Variants in DNM2 observed in about 807,000 individuals in gnomAD.
The protein encoded by DNM2 is dynamin-2.
In DNM2, 15 loss-of-function variants were observed where a neutral mutation model predicts 99.0. The ratio of observed to expected loss-of-function variants is 0.15; its 90% CI spans 0.10 to 0.23. The LOEUF (loss-of-function observed/expected upper bound fraction) is 0.23. Ranked by LOEUF, DNM2 falls within the 10% of genes least tolerant of loss-of-function variation. The probability of loss-of-function intolerance (pLI) is 1.00; values close to 1 mark genes in which losing one functional copy is unlikely to be tolerated. For missense variants in DNM2, 742 were observed against 1,189.4 expected, an observed-to-expected ratio of 0.62 and a Z score of 5.53; for synonymous variants, 525 against 481.2, an observed-to-expected ratio of 1.09 and a Z score of -1.19.
intron 11 of DNM2, among the ~76,000 whole-genome samples, chr19:10,801,765 C>T (rs922896614): frequency 2.0e-5 from 3 of 150,808 alleles, no homozygotes; most frequent in African/African-American, 4.9e-5. Flanking sequence ...ATTAGCTGGG[C>T]GTGGTGGCAG....
chr19:10,808,221 T>C (rs1218074198), intron 13 of DNM2, among the ~76,000 whole-genome samples: 2 of 152,024 alleles, frequency 1.3e-5, no homozygotes, highest in African/African-American at 2.4e-5. Flanking sequence ...CTTCTCCCCA[T>C]TGGGCAGGGG....
In DNM2 at chr19:10,819,430, C is replaced by T. The variant is rs7258559; in HGVS notation, c.1672-550C>T. Among the ~76,000 whole-genome samples, 1,293 of 152,198 alleles carry T rather than the reference C, an allele frequency of 8.5e-3. 22 individuals are homozygous for T. The highest frequency in any genetic ancestry group is 0.03 in the African/African-American group (1,238 of 41,506). Reference sequence around the variant, plus strand: ...CACAGAGGTAACTCACTCCTAGGCTCGTTTCAAAGATGGAGCCCAGATAAA... The same window carrying T: ...CACAGAGGTAACTCACTCCTAGGCTTGTTTCAAAGATGGAGCCCAGATAAA... On this transcript the variant is annotated intron_variant, in intron 15 of 20. Coordinates refer to ENST00000389253, the MANE Select transcript of DNM2 (RefSeq NM_001005361.3).
At position 10,774,325 on chromosome 19, in the gene DNM2, T is replaced by A. The variant is rs373814664; in HGVS notation, c.386-1378T>A. Among the ~76,000 whole-genome samples the A allele has an allele frequency of 3.0e-4, 46 of 152,310 alleles. No individual in the cohort carries two copies. In the East Asian group the frequency reaches 5.2e-3, roughly 17 times the overall value. On this transcript the variant is annotated intron_variant, in intron 3 of 20. Transcript: ENST00000389253. ...GCAAGACCCTCTATCTTAAAAAAAA[T>A]GTGTAAGCAAAAAACATGTAAGCAA...
At chr19:10,776,674 G>A (rs2071166062) in intron 4 of DNM2, among the ~76,000 whole-genome samples, 1 of 152,226 alleles carries the variant, frequency 6.6e-6, no homozygotes, top group African/African-American at 2.4e-5. Context: ...GGATGGGATG[G>A]TTTCCAGAGT....
rs2073337628 is a variant in DNM2 at position 10,831,122 on chromosome 19, C to T, written c.*75C>T. 2.0e-5 allele frequency: 30 copies of T among 1,509,456 alleles called. No individual in the cohort carries two copies. Among genetic ancestry groups the T allele is most frequent in the Admixed American group, 8.7e-5 (4 of 46,188 alleles). The allele number at this position is 1,509,456 out of a possible 1,614,324, so 93.5% of individuals were successfully genotyped here. A position where few individuals can be genotyped will look rare whatever the true frequency, so the allele number is the denominator to read the frequency against. ...GGAGCTTCAGTGGTCTGGGGCCCTC[C>T]GCCGCCCCTATGCTGGGACCAGGCT... is the stretch of plus-strand genomic sequence containing the variant. On this transcript the variant is annotated 3_prime_UTR_variant, in exon 21 of 21. Coordinates refer to ENST00000389253, the MANE Select transcript of DNM2 (RefSeq NM_001005361.3). This position sits in a 1 kb window ranked among gnomAD's most constrained non-coding sequence, Gnocchi z 4.3.
At chr19:10,758,339 C>T (rs867158766) in intron 1 of DNM2, among the ~76,000 whole-genome samples, 62 of 11,784 alleles carry the variant, frequency 5.3e-3, no homozygotes, top group Non-Finnish European at 0.011. Flanking sequence ...CCTTCCTTCC[C>T]TCCTTCCTTC....
At chr19:10,745,142 G>GA (rs1294768499) in intron 1 of DNM2, among the ~76,000 whole-genome samples, 1 of 151,894 alleles carries the variant, frequency 6.6e-6, no homozygotes, top group Admixed American at 6.6e-5. Context: ...GGGATGTGCG[G>GA]AAAAAAAACC....
chr19:10,751,521 C>T (rs569956556), intron 1 of DNM2, among the ~76,000 whole-genome samples: 5 of 152,172 alleles, frequency 3.3e-5, no homozygotes, highest in Non-Finnish European at 5.9e-5. Context: ...AGTACTCCTG[C>T]TGCTGTGTCC....
chr19:10,729,178 A>AAT (rs1319105676), intron 1 of DNM2, among the ~76,000 whole-genome samples: 10 of 125,442 alleles, frequency 8.0e-5, no homozygotes, highest in Non-Finnish European at 1.6e-4. Context: ...AAAAAAAAAA[A>AAT]AAAAAAAAAA....
chr19:10,748,403 C>T (rs1911984103), intron 1 of DNM2, among the ~76,000 whole-genome samples: 1 of 152,152 alleles, frequency 6.6e-6, no homozygotes, highest in African/African-American at 2.4e-5. Flanking sequence ...TCTGCAGCCT[C>T]GTGAGGGGTT....
At chr19:10,749,364 G>A (rs989241304) in intron 1 of DNM2, among the ~76,000 whole-genome samples, 8 of 152,188 alleles carry the variant, frequency 5.3e-5, no homozygotes, top group South Asian at 4.1e-4. Flanking sequence ...CTCTCCCATC[G>A]CTGCTGGGTG....
At chr19:10,794,187 T>C (rs1476446123) in intron 8 of DNM2, among the ~76,000 whole-genome samples, 1 of 152,174 alleles carries the variant, frequency 6.6e-6, no homozygotes, top group Non-Finnish European at 1.5e-5. Flanking sequence ...AAATAGGCAT[T>C]GGAGCCAGCA....
intron 1 of DNM2, among the ~76,000 whole-genome samples, chr19:10,745,510 G>A (rs991480703): frequency 6.6e-6 from 1 of 152,074 alleles, no homozygotes; most frequent in Non-Finnish European, 1.5e-5. Flanking sequence ...GGATCGCCTA[G>A]GCAGCATATC....
At chr19:10,780,193 G>T (rs1399542024) in intron 5 of DNM2, 3 of 152,976 alleles carry the variant, frequency 2.0e-5, no homozygotes, top group Non-Finnish European at 4.4e-5. Flanking sequence ...GGGGAATGCT[G>T]TCAGGGCTAA....
At chr19:10,804,617 A>G (rs1019237218) in intron 12 of DNM2, among the ~76,000 whole-genome samples, 9 of 152,140 alleles carry the variant, frequency 5.9e-5, no homozygotes, top group African/African-American at 2.2e-4. Context: ...GAGCCCAGGA[A>G]GTCAAGGCTG....
intron 12 of DNM2, 49 bp downstream of exon 12, chr19:10,802,407 T>C (rs1434654858): frequency 3.1e-6 from 5 of 1,593,212 alleles, no homozygotes; most frequent in Non-Finnish European, 4.3e-6. Context: ...ATCCTCACTC[T>C]CAGATCCAAG....
chr19:10,806,907 G>A (rs923101094), intron 13 of DNM2, among the ~76,000 whole-genome samples: 5 of 152,076 alleles, frequency 3.3e-5, no homozygotes, highest in Admixed American at 3.3e-4. Flanking sequence ...GGTGAGAGCC[G>A]CTGGAAACTA....
chr19:10,782,556 C>T (rs1212165755), intron 5 of DNM2, among the ~76,000 whole-genome samples: 1 of 151,790 alleles, frequency 6.6e-6, no homozygotes, highest in Non-Finnish European at 1.5e-5. Context: ...GGCGGGGTTT[C>T]ACCATGCTGG....
At chr19:10,825,930 G>A (rs1336879149) in intron 18 of DNM2, among the ~76,000 whole-genome samples, 2 of 151,592 alleles carry the variant, frequency 1.3e-5, no homozygotes, top group East Asian at 3.9e-4. Flanking sequence ...AGCACTTTGG[G>A]AGGCTGAGGC....
Sources: gnomAD v4.1 joint callset for allele counts (sites outside exome capture counted in the v4.1 genomes callset) on GRCh38, gnomAD v4.1.1 for gene constraint, Gnocchi (gnomAD v3.1) non-coding constraint, MANE v1.5 for transcripts, NCBI Gene and HGNC (gene_info 2026-07-23, HGNC 2026-07-21) for gene names.